ANXA13: variants seen among roughly 807,000 people sequenced by gnomAD.
The protein encoded by ANXA13 is annexin A13.
Under a neutral mutation model 46.6 loss-of-function variants are expected in ANXA13, and 36 were observed. The ratio of observed to expected loss-of-function variants is 0.77; its 90% CI spans 0.59 to 1.02. The LOEUF is 1.02. Ranked by LOEUF, ANXA13 falls within the 50% of genes least tolerant of loss-of-function variation. The pLI is 0.00. For missense variants in ANXA13, 417 were observed against 396.5 expected, an observed-to-expected ratio of 1.05 and a Z score of -0.44; for synonymous variants, 163 against 152.9, an observed-to-expected ratio of 1.07 and a Z score of -0.49.
chr8:123,684,752 A>G, intron 9 of ANXA13, 30 bp from the exon 10 acceptor site: 1 of 1,533,792 alleles, frequency 6.5e-7, no homozygotes, highest in Non-Finnish European at 9.0e-7. Context: ...AGAGAATGTG[A>G]GGCTTTCACG....
chr8:123,731,905 T>G (rs1386983074), intron 1 of ANXA13, among the ~76,000 whole-genome samples: 1 of 151,998 alleles, frequency 6.6e-6, no homozygotes, highest in Non-Finnish European at 1.5e-5. Flanking sequence ...AAAACCCAGA[T>G]GGTTCTAAAA....
At position 123,684,509 on chromosome 8, in the gene ANXA13, T is replaced by G. The variant is rs967649730; in HGVS notation, c.831+101A>C. 5.0e-6 allele frequency: 4 copies of G among 794,938 alleles called. No individual in the cohort carries two copies. The African/African-American group carries it at 6.9e-5, about 14-fold the overall frequency. 49.2% of individuals were successfully genotyped at this position (794,938 alleles called of 1,614,324 possible). On this transcript the variant is annotated intron_variant, in intron 10 of 10. Transcript: ENST00000419625. ...GCAAGGGGCCGTCTCTGTTTTACTT[T>G]TTCTGTAAATAGGCCCTTAATAGAA...
chr8:123,702,590 G>A (rs1563610807), intron 3 of ANXA13, 52 bp downstream of exon 3: 4 of 1,460,540 alleles, frequency 2.7e-6, no homozygotes, highest in Non-Finnish European at 3.8e-6. Context: ...AGGAAGCCGA[G>A]ACGGCTGAGG....
chr8:123,702,702 C>T lies in ANXA13; in HGVS notation c.126G>A (p.Ser42=), dbSNP rs140057297. The stretch of plus-strand genomic sequence containing the variant: ...GTTGCCTCTCATCTGATGTCCTGCC[C>T]GATAAGATTTCAATGATGGCTGCTT... ...TNEAAIIEIL[S]GRTSDERQQI... is the part of the protein sequence containing the mutation. The change falls in exon 3 of 11, where the codon TCG becomes TCA. Residue 42 remains serine (S), a synonymous_variant. Coordinates refer to ENST00000419625, the MANE Select transcript of ANXA13 (RefSeq NM_004306.4). The T allele has an allele frequency of 8.1e-5, 130 of 1,613,948 alleles. 1 individual carries two copies. Among genetic ancestry groups the T allele is most frequent in the Middle Eastern group, 4.9e-4 (3 of 6,062 alleles).
intron 9 of ANXA13, 65 bp downstream of exon 9, chr8:123,688,806 C>T: frequency 1.4e-6 from 2 of 1,443,752 alleles, no homozygotes; most frequent in Non-Finnish European, 1.9e-6. Flanking sequence ...TACACACAAA[C>T]CTCTGTCTGA....
At chr8:123,723,164 A>C (rs1179681878) in intron 1 of ANXA13, among the ~76,000 whole-genome samples, 1 of 152,154 alleles carries the variant, frequency 6.6e-6, no homozygotes, top group East Asian at 1.9e-4. Flanking sequence ...TTGATTCCCA[A>C]GGGGCCCATC....
chr8:123,701,947 A>C lies in ANXA13; in HGVS notation c.186+695T>G, dbSNP rs78580218. 1.1e-3 allele frequency among the ~76,000 whole-genome samples: 161 copies of C among 152,366 alleles called. 2 individuals are homozygous for C. In the East Asian group the frequency reaches 0.028, roughly 26 times the overall value. ...GCAATTGTTACCTGCTCAGTATCAA[A>C]TAAATAGGAAAACCCATCTTCATCT... On this transcript the variant is annotated intron_variant, in intron 3 of 10. Coordinates refer to ENST00000419625, the MANE Select transcript of ANXA13 (RefSeq NM_004306.4).
At chr8:123,733,033 C>T (rs1436558642) in intron 1 of ANXA13, among the ~76,000 whole-genome samples, 2 of 152,026 alleles carry the variant, frequency 1.3e-5, no homozygotes, top group Non-Finnish European at 2.9e-5. Flanking sequence ...CATGATGGCA[C>T]ATGCCTGTAG....
chr8:123,733,658 T>G (rs1214631759), intron 1 of ANXA13, among the ~76,000 whole-genome samples: 1 of 152,268 alleles, frequency 6.6e-6, no homozygotes, highest in East Asian at 1.9e-4. Flanking sequence ...TAGGAGCATG[T>G]GCAATGACCA....
At position 123,682,437 on chromosome 8, in the gene ANXA13, T is replaced by C. The variant is rs576499280; in HGVS notation, c.832-1078A>G. On this transcript the variant is annotated intron_variant, in intron 10 of 10. Transcript: ENST00000419625. ...CTCTTTTTAACCAGGAGTCTTTCTT[T>C]TCTTTTCTTTTTTGGCTTAGACCCT... 8.5e-5 allele frequency among the ~76,000 whole-genome samples: 13 copies of C among 152,316 alleles called. 1 individual carries two copies. Among genetic ancestry groups the C allele is most frequent in the Admixed American group, 8.5e-4 (13 of 15,302 alleles).
At chr8:123,735,487 T>C (rs1270735105) in intron 1 of ANXA13, among the ~76,000 whole-genome samples, 3 of 152,254 alleles carry the variant, frequency 2.0e-5, no homozygotes, top group Non-Finnish European at 2.9e-5. Flanking sequence ...GTGGTCCTGG[T>C]GTAGCCTCAT....
intron 1 of ANXA13, chr8:123,728,570 T>G (rs113847310): frequency 6.6e-5 from 10 of 152,250 alleles, no homozygotes; most frequent in African/African-American, 2.4e-4. Context: ...CAATGATAAG[T>G]GGGCAGATGG....
intron 7 of ANXA13, 40 bp from the exon 8 acceptor site, chr8:123,693,338 TGAAAA>T: frequency 6.4e-7 from 1 of 1,569,834 alleles, no homozygotes; most frequent in Non-Finnish European, 8.8e-7. Context: ...AAGGCTTTTG[TGAAAA>T]GACTGATTAT....
At chr8:123,727,189 C>CA (rs1274335115) in intron 1 of ANXA13, among the ~76,000 whole-genome samples, 3 of 152,172 alleles carry the variant, frequency 2.0e-5, no homozygotes, top group African/African-American at 7.2e-5. Context: ...CCTGTTCCCC[C>CA]AAAACCTACA....
chr8:123,706,534 C>T (rs867302302), intron 2 of ANXA13, among the ~76,000 whole-genome samples: 4 of 152,324 alleles, frequency 2.6e-5, no homozygotes, highest in Middle Eastern at 3.4e-3. Flanking sequence ...CATTCCACCT[C>T]CTTAGTGCCT....
Position 123,698,626 on chromosome 8 carries a change from A to G in ANXA13, c.187-67T>C, listed in dbSNP as rs1813389786. 3.2e-6 allele frequency: 5 copies of G among 1,538,506 alleles called. No individual in the cohort carries two copies. The East Asian group carries it at 6.8e-5, about 21-fold the overall frequency. ...AGGAGAGGGGCAGGTGTCTGCTTGC[A>G]CTATTGCAAGTGCTCATAGTTGACA... On this transcript the variant is annotated intron_variant, in intron 3 of 10. Coordinates refer to ENST00000419625, the MANE Select transcript of ANXA13 (RefSeq NM_004306.4).
chr8:123,713,840 A>C (rs148368126), intron 1 of ANXA13, among the ~76,000 whole-genome samples: 2,488 of 152,156 alleles, frequency 0.016, 69 homozygotes, highest in African/African-American at 0.056. Context: ...TTATAGGTGC[A>C]CGCCACCATG....
intron 1 of ANXA13, chr8:123,735,612 A>T: frequency 9.1e-7 from 1 of 1,102,502 alleles, no homozygotes; most frequent in Non-Finnish European, 1.2e-6. Context: ...TTGCAGGGAA[A>T]GATTTCCCTG....
Position 123,729,305 on chromosome 8 carries a change from AG to A in ANXA13, c.15+8014del, listed in dbSNP as rs137957254. ...TGCTTCCCATACGAGGAAAACAAAA[AG>A]CTTATTTTCAGTAGGAGAGAAAGAG... On this transcript the variant is annotated intron_variant, in intron 1 of 10. Transcript: ENST00000419625. The A allele has an allele frequency of 3.2e-3, 485 of 152,336 alleles. 2 individuals are homozygous for A. The highest frequency in any genetic ancestry group is 9.3e-3 in the South Asian group (45 of 4,830). 9.4% of individuals were successfully genotyped at this position (152,336 alleles called of 1,614,324 possible). A position where few individuals can be genotyped will look rare whatever the true frequency, so the allele number is the denominator to read the frequency against.
Sources: gnomAD v4.1 joint callset for allele counts (sites outside exome capture counted in the v4.1 genomes callset) on GRCh38, gnomAD v4.1.1 for gene constraint, MANE v1.5 for transcripts, NCBI Gene and HGNC (gene_info 2026-07-23, HGNC 2026-07-21) for gene names.